Variants in XKR6 observed in about 807,000 individuals in gnomAD.
XKR6 encodes XK-related protein 6.
A neutral mutation model predicts 56.7 loss-of-function variants in XKR6; 22 were observed. That is an observed-to-expected ratio of 0.39 (90% CI 0.28 to 0.55). The LOEUF (loss-of-function observed/expected upper bound fraction) is 0.55. XKR6 is among the 20% of genes least tolerant of loss of function. XKR6 has a pLI of 0.66. For missense variants in XKR6, 852 were observed against 889.0 expected, an observed-to-expected ratio of 0.96 and a Z score of 0.53; for synonymous variants, 524 against 387.8, an observed-to-expected ratio of 1.35 and a Z score of -4.13.
At chr8:10,997,483 C>T (rs1798140608) in intron 1 of XKR6, among the ~76,000 whole-genome samples, 1 of 152,158 alleles carries the variant, frequency 6.6e-6, no homozygotes, top group African/African-American at 2.4e-5. Context: ...ATTCCACAGA[C>T]CCTGCCTTAT....
At chr8:11,017,046 A>G (rs1798641580) in intron 1 of XKR6, among the ~76,000 whole-genome samples, 1 of 152,256 alleles carries the variant, frequency 6.6e-6, no homozygotes, top group South Asian at 2.1e-4. Context: ...GGATAGATAC[A>G]TATGGATAGA....
chr8:11,194,219 C>G (rs963544215), intron 1 of XKR6, among the ~76,000 whole-genome samples: 3 of 152,282 alleles, frequency 2.0e-5, no homozygotes, highest in Middle Eastern at 3.4e-3. Context: ...CTTTTTTACA[C>G]TGAAGGGACA....
At chr8:11,015,511 GAGTT>G (rs1798598467) in intron 1 of XKR6, among the ~76,000 whole-genome samples, 1 of 152,182 alleles carries the variant, frequency 6.6e-6, no homozygotes, top group African/African-American at 2.4e-5. Context: ...ACTCTGAAGA[GAGTT>G]AGGGGAAGAG....
In XKR6 at chr8:11,144,284, G is replaced by A. The variant is rs73665008; in HGVS notation, c.764+56292C>T. On this transcript the variant is annotated intron_variant, in intron 1 of 2. Transcript: ENST00000416569. ...TAAAGTAGGCTTCACAGGTCTTCTCGGCTCCCTCCTGAAACTCTCATGAAA... is the reference window on the plus strand; with the variant it reads ...TAAAGTAGGCTTCACAGGTCTTCTCAGCTCCCTCCTGAAACTCTCATGAAA... Among the ~76,000 whole-genome samples, 570 of 138,688 alleles carry A rather than the reference G, an allele frequency of 4.1e-3. 9 individuals are homozygous for A. Among genetic ancestry groups the A allele is most frequent in the African/African-American group, 0.015 (533 of 34,816 alleles). 91.0% of individuals were successfully genotyped at this position (138,688 alleles called of 152,430 possible). A position where few individuals can be genotyped will look rare whatever the true frequency, so the allele number is the denominator to read the frequency against.
At chr8:10,913,304 C>G (rs2129111963) in intron 2 of XKR6, among the ~76,000 whole-genome samples, 1 of 152,158 alleles carries the variant, frequency 6.6e-6, no homozygotes, top group African/African-American at 2.4e-5. Context: ...CCCCCAGAGT[C>G]TGGCCAGGGT....
intron 1 of XKR6, among the ~76,000 whole-genome samples, chr8:11,086,324 T>C (rs1797890101): frequency 6.6e-6 from 1 of 152,102 alleles, no homozygotes; most frequent in East Asian, 1.9e-4. Flanking sequence ...ACATTCTGGA[T>C]ATTAAAGGAC....
chr8:11,029,520 T>C (rs1798944166), intron 1 of XKR6, among the ~76,000 whole-genome samples: 1 of 152,172 alleles, frequency 6.6e-6, no homozygotes, highest in Non-Finnish European at 1.5e-5. Context: ...GTGAGCATAC[T>C]ACCAGGAAGA....
At chr8:10,903,089 G>A (rs1464056051) in intron 2 of XKR6, among the ~76,000 whole-genome samples, 2 of 152,106 alleles carry the variant, frequency 1.3e-5, no homozygotes, top group Non-Finnish European at 2.9e-5. Flanking sequence ...GCCCTGGTGG[G>A]ACTCAAAAAC....
intron 1 of XKR6, among the ~76,000 whole-genome samples, chr8:11,149,805 G>A (rs780456839): frequency 4.6e-5 from 7 of 152,286 alleles, no homozygotes; most frequent in South Asian, 2.1e-4. Context: ...GACTATTCAC[G>A]ATAGCAAAGA....
At position 10,905,259 on chromosome 8, in the gene XKR6, G is replaced by A. The variant is rs1304294883; in HGVS notation, c.962-6343C>T. 3.9e-5 allele frequency among the ~76,000 whole-genome samples: 6 copies of A among 152,164 alleles called. No homozygotes were observed. In the East Asian group the frequency reaches 1.2e-3, roughly 29 times the overall value. On this transcript the variant is annotated intron_variant, in intron 2 of 2. Coordinates refer to ENST00000416569, the MANE Select transcript of XKR6 (RefSeq NM_173683.4). ...GCTTTCCTCCCAAATCTGCCCCAGT[G>A]GAGAGCTGTCACTCAGGTCGTGCGG...
chr8:11,085,311 C>T (rs998346665), intron 1 of XKR6, among the ~76,000 whole-genome samples: 1 of 152,214 alleles, frequency 6.6e-6, no homozygotes, highest in Admixed American at 6.5e-5. Flanking sequence ...CTCACAGGGT[C>T]CTTGGAGTGC....
chr8:11,108,926 T>C (rs900844992), intron 1 of XKR6: 1 of 152,344 alleles, frequency 6.6e-6, no homozygotes, highest in Non-Finnish European at 1.5e-5. Context: ...TGTCTGAAAC[T>C]TCCAAAATAA....
At chr8:10,926,187 G>A (rs1338115701) in intron 1 of XKR6, among the ~76,000 whole-genome samples, 5 of 152,176 alleles carry the variant, frequency 3.3e-5, no homozygotes, top group East Asian at 3.9e-4. Flanking sequence ...CAGGGCTGCC[G>A]GATGGTCTGT....
intron 1 of XKR6, among the ~76,000 whole-genome samples, chr8:11,097,730 C>G (rs2129174905): frequency 6.8e-6 from 1 of 147,388 alleles, no homozygotes; most frequent in South Asian, 2.1e-4. Context: ...TCGCTTGAAC[C>G]CAGGAGGCGG....
chr8:11,152,266 C>T (rs932493557), intron 1 of XKR6, among the ~76,000 whole-genome samples: 1 of 152,192 alleles, frequency 6.6e-6, no homozygotes, highest in African/African-American at 2.4e-5. Context: ...TATTTAAGGG[C>T]TCTTTGCTTC....
intron 1 of XKR6, among the ~76,000 whole-genome samples, chr8:11,074,294 T>G (rs1338823863): frequency 1.3e-5 from 2 of 151,914 alleles, no homozygotes; most frequent in African/African-American, 4.8e-5. Flanking sequence ...CGGCCTTGGG[T>G]CTCCTCTGTC....
intron 1 of XKR6, among the ~76,000 whole-genome samples, chr8:11,063,489 C>G (rs1241165736): frequency 1.3e-5 from 2 of 149,236 alleles, no homozygotes; most frequent in African/African-American, 5.0e-5. Context: ...TCCCCAGCTC[C>G]CCAGGTGACA....
intron 1 of XKR6, among the ~76,000 whole-genome samples, chr8:10,935,349 A>C (rs533674916): frequency 7.4e-6 from 1 of 134,804 alleles, no homozygotes; most frequent in Admixed American, 7.1e-5. Context: ...TCAAAAAACC[A>C]GCTCCTGGAT....
chr8:10,969,127 T>A lies in XKR6; in HGVS notation c.765-44297A>T, dbSNP rs577398255. On this transcript the variant is annotated intron_variant, in intron 1 of 2. Coordinates refer to ENST00000416569, the MANE Select transcript of XKR6 (RefSeq NM_173683.4). Reference sequence around the variant, plus strand: ...ATTGTCAAAAACCGCCCCTAGAAATTCTTATTTCCTGGGTCAGAGGTTGAG... The same window carrying A: ...ATTGTCAAAAACCGCCCCTAGAAATACTTATTTCCTGGGTCAGAGGTTGAG... 9.2e-3 allele frequency among the ~76,000 whole-genome samples: 1,401 copies of A among 152,280 alleles called. 11 individuals carry two copies. Among genetic ancestry groups the A allele is most frequent in the Non-Finnish European group, 0.016 (1,104 of 68,032 alleles).
Sources: gnomAD v4.1 joint callset for allele counts (sites outside exome capture counted in the v4.1 genomes callset) on GRCh38, gnomAD v4.1.1 for gene constraint, MANE v1.5 for transcripts, NCBI Gene and HGNC (gene_info 2026-07-23, HGNC 2026-07-21) for gene names.